The following QTRT2 variants were observed in gnomAD, a reference collection of about 807,000 sequenced individuals.
QTRT2 encodes queuine tRNA-ribosyltransferase accessory subunit 2.
Under a neutral mutation model 44.8 loss-of-function variants are expected in QTRT2, and 32 were observed. The observed-to-expected ratio is 0.71, with a 90% CI of 0.54 to 0.96. QTRT2 has a LOEUF of 0.96. QTRT2 is among the 40% of genes least tolerant of loss of function. The pLI, the probability that QTRT2 is intolerant of heterozygous loss-of-function variation, is 0.00. For missense variants in QTRT2, 461 were observed against 503.1 expected (o/e 0.92, Z 0.80); for synonymous variants, 182 against 187.4 (o/e 0.97, Z 0.24).
intron 5 of QTRT2, 87 bp from the exon 6 acceptor site, chr3:114,070,536 AAAG>A: frequency 2.7e-6 from 3 of 1,124,844 alleles, no homozygotes; most frequent in Non-Finnish European, 3.9e-6. Context: ...CTGCAGTTGT[AAAG>A]AAGAATTATT....
Position 114,070,675 on chromosome 3 carries a change from A to G in QTRT2, c.383A>G (p.Lys128Arg), listed in dbSNP as rs770127389. 1.2e-6 allele frequency: 2 copies of G among 1,614,156 alleles called. No homozygotes were observed. Among genetic ancestry groups the G allele is most frequent in the Non-Finnish European group, 1.7e-6 (2 of 1,180,008 alleles). ...VAGRVEMTVSKFMAIQKALQP... is the reference protein window; with the variant it reads ...VAGRVEMTVSRFMAIQKALQP... ...GGACGAGTGGAAATGACTGTTTCCA[A>G]GTTCATGGCAATTCAGAAGGCCCTT... Residue 128 changes from lysine (K) to arginine (R), a missense_variant, in exon 6 of 10, where the codon AAG (lysine) becomes AGG (arginine). By Grantham distance (26) the Lys-to-Arg change is conservative. Coordinates refer to ENST00000281273, the MANE Select transcript of QTRT2 (RefSeq NM_024638.4).
intron 7 of QTRT2, chr3:114,077,203 GTAT>G (rs544998532): frequency 4.7e-5 from 20 of 427,692 alleles, no homozygotes; most frequent in Non-Finnish European, 8.5e-5. Flanking sequence ...GTGAGAGCAA[GTAT>G]TATACTGTTT....
At chr3:114,067,225 A>G (rs530905336) in intron 4 of QTRT2, among the ~76,000 whole-genome samples, 5 of 152,344 alleles carry the variant, frequency 3.3e-5, no homozygotes, top group African/African-American at 4.8e-5. Context: ...AAAGTATACA[A>G]GCATATAATT....
chr3:114,087,740 T>G lies in QTRT2; in HGVS notation c.*1836T>G, dbSNP rs1483077075. On this transcript the variant is annotated 3_prime_UTR_variant, in exon 10 of 10. Coordinates refer to ENST00000281273, the MANE Select transcript of QTRT2 (RefSeq NM_024638.4). The stretch of plus-strand genomic sequence containing the variant: ...TGGGGAGGCCTCCGGAAGCTTATAG[T>G]CATGACAGAAGGTGAAGGGGGAGCA... 1 of 152,284 alleles carries G rather than the reference T, an allele frequency of 6.6e-6. No homozygotes were observed. The highest frequency in any genetic ancestry group is 6.6e-5 in the Admixed American group (1 of 15,250). The allele number at this position is 152,284 out of a possible 1,614,324, so 9.4% of individuals were successfully genotyped here.
intron 7 of QTRT2, chr3:114,077,616 T>C (rs914984759): frequency 1.3e-5 from 2 of 152,396 alleles, no homozygotes; most frequent in Non-Finnish European, 2.9e-5. Flanking sequence ...TATTCATGCT[T>C]TTTTCCTGCA....
At chr3:114,080,434 A>G (rs1376035977) in intron 8 of QTRT2, among the ~76,000 whole-genome samples, 3 of 152,136 alleles carry the variant, frequency 2.0e-5, no homozygotes, top group African/African-American at 7.2e-5. Context: ...TGCAAACCCT[A>G]TGCTATTAAA....
Position 114,068,051 on chromosome 3 carries a change from T to TGTAACAAAC in QTRT2, c.322_330dup (p.Val108_Asn110dup). On this transcript the variant is annotated inframe_insertion, in exon 5 of 10. Coordinates refer to ENST00000281273, the MANE Select transcript of QTRT2 (RefSeq NM_024638.4). ...CAGTCAGCCCCTGCCCGGCTGGTTA[T>TGTAACAAAC]GTAACAAACAAGGTGTGTTTTCAGA... The TGTAACAAAC allele has an allele frequency of 6.2e-7, 1 of 1,613,854 alleles. No homozygotes were observed. Among genetic ancestry groups the TGTAACAAAC allele is most frequent in the South Asian group, 1.1e-5 (1 of 91,076 alleles).
intron 6 of QTRT2, among the ~76,000 whole-genome samples, chr3:114,074,918 A>G (rs950127695): frequency 6.6e-6 from 1 of 152,250 alleles, no homozygotes; most frequent in Non-Finnish European, 1.5e-5. Context: ...GTAGGAAGCC[A>G]TACTGTGTAT....
In QTRT2 at chr3:114,088,300, A is replaced by G. The variant is rs2077262377; in HGVS notation, c.*2396A>G. The G allele has an allele frequency of 1.3e-5, 2 of 152,122 alleles. No homozygotes were observed. The highest frequency in any genetic ancestry group is 6.6e-5 in the Admixed American group (1 of 15,262). The allele number at this position is 152,122 out of a possible 1,614,324, so 9.4% of individuals were successfully genotyped here. On this transcript the variant is annotated 3_prime_UTR_variant, in exon 10 of 10. Coordinates refer to ENST00000281273, the MANE Select transcript of QTRT2 (RefSeq NM_024638.4). ...GAAAAATATTCCTTTCCTTTATTGT[A>G]GTAAATCTATTAAAGGCAATAGCCA...
rs144977735 is a variant in QTRT2, at chr3:114,070,930, C to G, written c.546+92C>G. On this transcript the variant is annotated intron_variant, in intron 6 of 9. Transcript: ENST00000281273. ...ACCTTTTCTGTTCTTCCTCCTACTG[C>G]TGTGCTCCTCACTTCTTTGTCTATT... is the stretch of plus-strand genomic sequence containing the variant. The G allele has an allele frequency of 3.7e-5, 34 of 910,254 alleles. No homozygotes were observed. The African/African-American group carries it at 5.3e-4, about 14-fold the overall frequency. The allele number at this position is 910,254 out of a possible 1,614,324, so 56.4% of individuals were successfully genotyped here.
intron 2 of QTRT2, among the ~76,000 whole-genome samples, chr3:114,059,315 G>T (rs1379280742): frequency 6.6e-6 from 1 of 152,170 alleles, no homozygotes; most frequent in Non-Finnish European, 1.5e-5. Context: ...CACAACAAGT[G>T]AAAAGGGAAG....
At chr3:114,085,071 A>G (rs1372212343) in intron 9 of QTRT2, among the ~76,000 whole-genome samples, 1 of 152,170 alleles carries the variant, frequency 6.6e-6, no homozygotes, top group Non-Finnish European at 1.5e-5. Flanking sequence ...TGCTTTTACA[A>G]TGTGATTAGT....
At chr3:114,063,108 A>C (rs1255007452) in intron 2 of QTRT2, among the ~76,000 whole-genome samples, 1 of 152,208 alleles carries the variant, frequency 6.6e-6, no homozygotes, top group Non-Finnish European at 1.5e-5. Flanking sequence ...AATTTTCATT[A>C]GTTCTTATTT....
At chr3:114,064,740 A>G (rs1240563091) in intron 2 of QTRT2, among the ~76,000 whole-genome samples, 1 of 152,206 alleles carries the variant, frequency 6.6e-6, no homozygotes, top group Non-Finnish European at 1.5e-5. Context: ...ATATATTTTC[A>G]TAAACACCAG....
intron 8 of QTRT2, among the ~76,000 whole-genome samples, chr3:114,082,128 A>G (rs1485343219): frequency 3.3e-5 from 5 of 151,918 alleles, no homozygotes; most frequent in African/African-American, 9.7e-5. Flanking sequence ...TTCTACTTCA[A>G]TCTATTTGGA....
chr3:114,072,867 T>G (rs1438999058), intron 6 of QTRT2, among the ~76,000 whole-genome samples: 1 of 152,086 alleles, frequency 6.6e-6, no homozygotes, highest in East Asian at 1.9e-4. Context: ...CAGAGTTAAT[T>G]AAGTGGGAAA....
In QTRT2 at chr3:114,056,830, C is replaced by T; in HGVS notation, c.-164C>T. 6.5e-7 allele frequency: 1 copy of T among 1,535,526 alleles called. No individual in the cohort carries two copies. Among genetic ancestry groups the T allele is most frequent in the African/African-American group, 1.4e-5 (1 of 73,154 alleles). On this transcript the variant is annotated 5_prime_UTR_variant, in exon 1 of 10. Coordinates refer to ENST00000281273, the MANE Select transcript of QTRT2 (RefSeq NM_024638.4). Reference sequence around the variant, plus strand: ...GTGAACTGTGAGGAGTTTGAGGGGTCTGAAGACTGAAAGAGTCGAATGGTT... The same window carrying T: ...GTGAACTGTGAGGAGTTTGAGGGGTTTGAAGACTGAAAGAGTCGAATGGTT...
chr3:114,076,476 T>A (rs1559958218), intron 6 of QTRT2, among the ~76,000 whole-genome samples: 1 of 152,236 alleles, frequency 6.6e-6, no homozygotes, highest in Non-Finnish European at 1.5e-5. Context: ...CTGATCTAAT[T>A]TAATCTAAGC....
At chr3:114,058,151 A>G (rs924206545) in intron 2 of QTRT2, among the ~76,000 whole-genome samples, 6 of 152,274 alleles carry the variant, frequency 3.9e-5, no homozygotes, top group East Asian at 1.9e-4. Context: ...AACAGTGCTT[A>G]ATACATAGTA....
Sources: allele counts gnomAD v4.1 joint callset (sites outside exome capture counted in the v4.1 genomes callset), GRCh38; gene constraint gnomAD v4.1.1; transcripts MANE v1.5; gene names NCBI Gene and HGNC (gene_info 2026-07-23, HGNC 2026-07-21).